Variants in COL23A1 observed in about 807,000 individuals in gnomAD.
COL23A1 encodes the protein collagen type XXIII alpha 1 chain.
COL23A1 carries 97 observed loss-of-function variants against 99.3 expected under a neutral mutation model. The observed-to-expected ratio is 0.98, with a 90% CI of 0.83 to 1.16. COL23A1 has a LOEUF of 1.16. Among genes scored for constraint, COL23A1 ranks in the 50% most tolerant of loss-of-function variants. The pLI is 0.00. For missense variants in COL23A1, 762 were observed against 757.4 expected, an observed-to-expected ratio of 1.01 and a Z score of -0.07; for synonymous variants, 320 against 308.2, an observed-to-expected ratio of 1.04 and a Z score of -0.40.
chr5:178,577,631 G>C (rs748276314), intron 1 of COL23A1, among the ~76,000 whole-genome samples: 8 of 152,212 alleles, frequency 5.3e-5, no homozygotes, highest in Non-Finnish European at 1.5e-5. Flanking sequence ...GCCTGGATGG[G>C]GTCTCTGTAC....
At chr5:178,311,821 C>T (rs1394873116) in intron 2 of COL23A1, among the ~76,000 whole-genome samples, 2 of 150,694 alleles carry the variant, frequency 1.3e-5, no homozygotes, top group African/African-American at 2.5e-5. Flanking sequence ...ACCTCCGCCT[C>T]CCAGGTTCAA....
At chr5:178,564,329 A>C (rs1339088926) in intron 1 of COL23A1, among the ~76,000 whole-genome samples, 1 of 151,386 alleles carries the variant, frequency 6.6e-6, no homozygotes, top group Non-Finnish European at 1.5e-5. Context: ...CAGGCCCCTC[A>C]CTTTCTGTAT....
intron 2 of COL23A1, among the ~76,000 whole-genome samples, chr5:178,337,753 G>C (rs1410830448): frequency 1.3e-5 from 2 of 152,128 alleles, no homozygotes; most frequent in African/African-American, 4.8e-5. Context: ...TTCCTGGCAC[G>C]AAAGCATCAC....
intron 2 of COL23A1, among the ~76,000 whole-genome samples, chr5:178,383,009 TG>T (rs1258001398): frequency 6.6e-6 from 1 of 152,010 alleles, no homozygotes; most frequent in Non-Finnish European, 1.5e-5. Flanking sequence ...CGGGGCTGGC[TG>T]GGCTCCTGAA....
chr5:178,367,224 G>C (rs561644087), intron 2 of COL23A1, among the ~76,000 whole-genome samples: 1 of 152,294 alleles, frequency 6.6e-6, no homozygotes, highest in African/African-American at 2.4e-5. Context: ...CGAGTCTTCC[G>C]ATGATGTCCA....
chr5:178,358,274 G>GTGTGTA (rs1284350179), intron 2 of COL23A1, among the ~76,000 whole-genome samples: 3 of 93,182 alleles, frequency 3.2e-5, no homozygotes, highest in African/African-American at 4.6e-5. Flanking sequence ...GTGTGTATAT[G>GTGTGTA]TGTGTATGCG....
intron 1 of COL23A1, among the ~76,000 whole-genome samples, chr5:178,572,534 G>T (rs1240626565): frequency 6.6e-6 from 1 of 152,126 alleles, no homozygotes; most frequent in Non-Finnish European, 1.5e-5. Flanking sequence ...AGCAGTCAGA[G>T]AAAAATGACA....
chr5:178,555,036 G>A (rs1762194024), intron 2 of COL23A1, among the ~76,000 whole-genome samples: 1 of 152,174 alleles, frequency 6.6e-6, no homozygotes, highest in Non-Finnish European at 1.5e-5. Flanking sequence ...CACAGACTGT[G>A]CGGCTTAAAA....
chr5:178,262,082 G>T (rs914456604), intron 10 of COL23A1, 135 bp downstream of exon 10: 3 of 975,624 alleles, frequency 3.1e-6, no homozygotes, highest in African/African-American at 1.7e-5. Context: ...ATGCAGACAC[G>T]TACATGCAGA....
At chr5:178,526,643 T>C (rs1387611746) in intron 2 of COL23A1, among the ~76,000 whole-genome samples, 1 of 152,102 alleles carries the variant, frequency 6.6e-6, no homozygotes, top group Non-Finnish European at 1.5e-5. Flanking sequence ...GTGGAGCTTC[T>C]TGGGGGAAGA....
intron 2 of COL23A1, among the ~76,000 whole-genome samples, chr5:178,498,508 T>A (rs931338379): frequency 6.6e-6 from 1 of 150,942 alleles, no homozygotes; most frequent in Non-Finnish European, 1.5e-5. Flanking sequence ...ATGAGAAAAA[T>A]AGTAGAGTGT....
At chr5:178,580,915 G>A (rs561981992) in intron 1 of COL23A1, among the ~76,000 whole-genome samples, 4 of 151,930 alleles carry the variant, frequency 2.6e-5, no homozygotes, top group East Asian at 2.0e-4. Context: ...AGGCTGAGGC[G>A]GAAGGATCAC....
At chr5:178,397,452 C>T (rs1764212691) in intron 2 of COL23A1, among the ~76,000 whole-genome samples, 1 of 152,168 alleles carries the variant, frequency 6.6e-6, no homozygotes, top group African/African-American at 2.4e-5. Flanking sequence ...TGAGGCTTAA[C>T]GAAGAAGCCA....
chr5:178,447,447 T>C (rs764926745), intron 2 of COL23A1, among the ~76,000 whole-genome samples: 1 of 152,210 alleles, frequency 6.6e-6, no homozygotes, highest in Non-Finnish European at 1.5e-5. Context: ...AGTGGTCCCT[T>C]AAGATTATAA....
At chr5:178,488,987 ACTCAGCGCCTGGGAAGG>A (rs1757785215) in intron 2 of COL23A1, among the ~76,000 whole-genome samples, 1 of 152,042 alleles carries the variant, frequency 6.6e-6, no homozygotes, top group Non-Finnish European at 1.5e-5. Flanking sequence ...TCTAAACCAA[ACTCAGCGCCTGGGAAGG>A]CTCTGCCCCT....
At chr5:178,288,136 G>C (rs1757254865) in intron 5 of COL23A1, among the ~76,000 whole-genome samples, 188 bp downstream of exon 5, 1 of 152,134 alleles carries the variant, frequency 6.6e-6, no homozygotes. Flanking sequence ...CTTGCCTCCA[G>C]GGCAGCCCTG....
intron 2 of COL23A1, among the ~76,000 whole-genome samples, chr5:178,372,573 T>C (rs1762856108): frequency 6.6e-6 from 1 of 152,022 alleles, no homozygotes; most frequent in South Asian, 2.1e-4. Flanking sequence ...CAGCTTCCGA[T>C]TTCTTTTTTC....
At position 178,263,888 on chromosome 5, in the gene COL23A1, A is replaced by G. The variant is rs538069431; in HGVS notation, c.523-564T>C. Among the ~76,000 whole-genome samples the G allele has an allele frequency of 3.0e-4, 45 of 152,346 alleles. 1 individual carries two copies. In the East Asian group the frequency reaches 6.0e-3, roughly 20 times the overall value. On this transcript the variant is annotated intron_variant, in intron 8 of 28. Coordinates refer to ENST00000390654, the MANE Select transcript of COL23A1 (RefSeq NM_173465.4). The stretch of plus-strand genomic sequence containing the variant: ...AACTCAGCAATCAACCCAAAGGAAC[A>G]GGGCACGACACATGCAACACCTCAG...
chr5:178,422,795 T>C (rs1027429807), intron 2 of COL23A1, among the ~76,000 whole-genome samples: 1 of 152,202 alleles, frequency 6.6e-6, no homozygotes, highest in African/African-American at 2.4e-5. Context: ...TACCAGACTA[T>C]GTCATTATAA....
Sources: gnomAD v4.1 joint callset for allele counts (sites outside exome capture counted in the v4.1 genomes callset) on GRCh38, gnomAD v4.1.1 for gene constraint, MANE v1.5 for transcripts, NCBI Gene and HGNC (gene_info 2026-07-23, HGNC 2026-07-21) for gene names.